PAK3: variants seen among roughly 807,000 people sequenced by gnomAD.
The protein encoded by PAK3 is p21 (RAC1) activated kinase 3, also known as serine/threonine-protein kinase PAK 3.
PAK3 carries 4 observed loss-of-function variants against 41.0 expected under a neutral mutation model. That is an observed-to-expected ratio of 0.10 (90% confidence interval 0.05 to 0.22). The LOEUF is 0.22. Ranked by LOEUF, PAK3 falls within the 10% of genes least tolerant of loss-of-function variation. PAK3 has a pLI of 1.00. For missense variants in PAK3, 205 were observed against 409.9 expected (o/e 0.50, Z 4.32); for synonymous variants, 146 against 139.6 (o/e 1.05, Z -0.32).
intron 1 of PAK3, among the ~76,000 whole-genome samples, chrX:110,947,241 A>C (rs1392040066): frequency 1.8e-5 from 2 of 112,056 alleles, no homozygotes; most frequent in Non-Finnish European, 3.8e-5. Flanking sequence ...ACAGAAGTAG[A>C]TGAGCTTGAA....
rs931245035 is a variant in PAK3, at chrX:111,226,548, C to A, written c.*6101C>A. On this transcript the variant is annotated 3_prime_UTR_variant, in exon 18 of 18. Transcript: ENST00000372007. ...TGCTAAGAGTGAACCTAAACACTTACAAGTTGCAGAGAGAAATGAAAAAGT... is the reference window on the plus strand; with the variant it reads ...TGCTAAGAGTGAACCTAAACACTTAAAAGTTGCAGAGAGAAATGAAAAAGT... The A allele has an allele frequency of 8.9e-6, 1 of 112,377 alleles. No homozygotes were observed. The highest frequency in any genetic ancestry group is 3.7e-4 in the South Asian group (1 of 2,698). 9.3% of individuals were successfully genotyped at this position (112,377 alleles called of 1,213,427 possible). A position where few individuals can be genotyped will look rare whatever the true frequency, so the allele number is the denominator to read the frequency against.
chrX:110,992,756 G>A (rs1165630589), intron 1 of PAK3, among the ~76,000 whole-genome samples: 1 of 111,610 alleles, frequency 9.0e-6, no homozygotes, highest in Non-Finnish European at 1.9e-5. Flanking sequence ...TCTCAAGGTC[G>A]GAAAGCCTTT....
rs1427161842 is a variant in PAK3, at chrX:110,962,688, C to A, written c.-28+18060C>A. Among the ~76,000 whole-genome samples the A allele has an allele frequency of 6.2e-5, 7 of 112,662 alleles. No individual in the cohort carries two copies. The Admixed American group carries it at 6.6e-4, about 11-fold the overall frequency. ...ATAACAGGGCCAAGCCGCCAAGCCT[C>A]TAATTTAACTAGGACAGCTGTGCTT... On this transcript the variant is annotated intron_variant, in intron 1 of 14. Transcript: ENST00000425146.
intron 10 of PAK3, among the ~76,000 whole-genome samples, chrX:111,166,099 G>A (rs148619496): frequency 0.064 from 7,024 of 110,604 alleles, 594 homozygotes; most frequent in African/African-American, 0.22. Flanking sequence ...TGAACCTGCT[G>A]AGAAGTGGAG....
chrX:111,204,646 C>T (rs1311937145), intron 16 of PAK3, among the ~76,000 whole-genome samples: 1 of 110,885 alleles, frequency 9.0e-6, no homozygotes, highest in Admixed American at 9.6e-5. Context: ...CTTTTCCAAC[C>T]GGGTTGCAAC....
intron 1 of PAK3, among the ~76,000 whole-genome samples, chrX:111,067,108 A>C (rs2148817768): frequency 8.9e-6 from 1 of 111,822 alleles, no homozygotes; most frequent in East Asian, 2.8e-4. Context: ...GTTTGTGAAT[A>C]ACAAAAATTT....
At chrX:111,190,952 T>TA (rs2094555333) in intron 11 of PAK3, among the ~76,000 whole-genome samples, 1 of 112,274 alleles carries the variant, frequency 8.9e-6, no homozygotes, top group Admixed American at 9.4e-5. Flanking sequence ...GGAGGTGGTT[T>TA]AGAATGCATT....
intron 1 of PAK3, among the ~76,000 whole-genome samples, chrX:111,006,935 T>A (rs2091941672): frequency 9.6e-6 from 1 of 103,783 alleles, no homozygotes; most frequent in Admixed American, 1.1e-4. Flanking sequence ...GCGTCAACTT[T>A]CCAGGCTCAA....
At chrX:111,153,032 G>T (rs1484062380) in intron 8 of PAK3, among the ~76,000 whole-genome samples, 2 of 111,368 alleles carry the variant, frequency 1.8e-5, no homozygotes, top group Admixed American at 9.6e-5. Flanking sequence ...TCTTGTACAG[G>T]GTTTTTATGT....
intron 11 of PAK3, among the ~76,000 whole-genome samples, chrX:111,177,051 A>G (rs1468310664): frequency 9.3e-6 from 1 of 107,642 alleles, no homozygotes; most frequent in Non-Finnish European, 1.9e-5. Context: ...TTCATTAATT[A>G]CTGGCCTAAG....
chrX:110,971,113 C>A (rs2091198876), intron 1 of PAK3, among the ~76,000 whole-genome samples: 2 of 112,102 alleles, frequency 1.8e-5, no homozygotes, highest in African/African-American at 6.5e-5. Context: ...ACATGCTGTA[C>A]AATTCACCCA....
chrX:111,154,705 C>T (rs1194734748), intron 8 of PAK3, among the ~76,000 whole-genome samples: 1 of 110,704 alleles, frequency 9.0e-6, no homozygotes, highest in African/African-American at 3.3e-5. Flanking sequence ...TCCTTCTTTG[C>T]CATGACAGCT....
At chrX:111,212,136 T>C in intron 16 of PAK3, among the ~76,000 whole-genome samples, 1 of 111,543 alleles carries the variant, frequency 9.0e-6, no homozygotes. Flanking sequence ...GATGATTATA[T>C]GGTTTCTTAC....
At chrX:111,000,907 T>A (rs1439322539) in intron 1 of PAK3, among the ~76,000 whole-genome samples, 1 of 111,518 alleles carries the variant, frequency 9.0e-6, no homozygotes, top group Non-Finnish European at 1.9e-5. Context: ...AGGCAATGGA[T>A]GTTATGGAGA....
intron 1 of PAK3, among the ~76,000 whole-genome samples, chrX:111,032,137 A>T (rs764953155): frequency 1.8e-5 from 2 of 111,907 alleles, no homozygotes; most frequent in Non-Finnish European, 3.8e-5. Flanking sequence ...TACTGGCTTC[A>T]TCAGGGGGCC....
intron 1 of PAK3, among the ~76,000 whole-genome samples, chrX:111,051,309 T>A (rs1291437159): frequency 1.8e-5 from 2 of 111,774 alleles, no homozygotes; most frequent in Non-Finnish European, 3.8e-5. Flanking sequence ...AATATGAATT[T>A]TTTTCTGAAT....
At chrX:111,054,206 C>A (rs1243764998) in intron 1 of PAK3, among the ~76,000 whole-genome samples, 3 of 112,226 alleles carry the variant, frequency 2.7e-5, no homozygotes, top group African/African-American at 9.7e-5. Flanking sequence ...CTGGCCTCAC[C>A]AGCTCTCACC....
chrX:111,111,615 A>G (rs2093372487), intron 4 of PAK3, among the ~76,000 whole-genome samples: 1 of 112,207 alleles, frequency 8.9e-6, no homozygotes, highest in Non-Finnish European at 1.9e-5. Context: ...GGGACTTCCA[A>G]CACATTCATA....
At chrX:111,142,508 G>A (rs980232124) in intron 6 of PAK3, among the ~76,000 whole-genome samples, 2 of 111,936 alleles carry the variant, frequency 1.8e-5, no homozygotes, top group African/African-American at 3.2e-5. Context: ...TCTTTATCAA[G>A]TGAATGGAAT....
Sources: allele counts gnomAD v4.1 joint callset (sites outside exome capture counted in the v4.1 genomes callset), GRCh38; gene constraint gnomAD v4.1.1; transcripts MANE v1.5; gene names NCBI Gene and HGNC (gene_info 2026-07-23, HGNC 2026-07-21).